The following ANOS1 variants were observed in gnomAD, a reference collection of about 807,000 sequenced individuals.
ANOS1 encodes the protein anosmin-1.
A neutral mutation model predicts 59.0 loss-of-function variants in ANOS1; 6 were observed. That is an observed-to-expected ratio of 0.10 (90% CI 0.06 to 0.20). The LOEUF (loss-of-function observed/expected upper bound fraction) is 0.20. ANOS1 is among the 10% of genes least tolerant of loss of function. The probability of loss-of-function intolerance (pLI) is 1.00; values close to 1 mark genes in which losing one functional copy is unlikely to be tolerated. For synonymous variants in ANOS1, 217 were observed against 223.4 expected (o/e 0.97, Z 0.25); for missense variants, 433 against 542.3 (o/e 0.80, Z 2.00).
At chrX:8,565,921 A>G in intron 8 of ANOS1, 1 of 641,276 alleles carries the variant, frequency 1.6e-6, no homozygotes, top group Non-Finnish European at 1.9e-6. Flanking sequence ...GAGGGCAGGG[A>G]GTCATTAGCA....
intron 2 of ANOS1, among the ~76,000 whole-genome samples, chrX:8,698,088 C>T (rs1288933407): frequency 8.9e-6 from 1 of 112,191 alleles, no homozygotes; most frequent in Non-Finnish European, 1.9e-5. Context: ...AAGTTAAAGA[C>T]AACCCTTCAA....
intron 3 of ANOS1, among the ~76,000 whole-genome samples, chrX:8,600,957 G>A (rs757646866): frequency 1.3e-4 from 15 of 111,559 alleles, no homozygotes; most frequent in Non-Finnish European, 2.4e-4. Flanking sequence ...TTGGGAGGCC[G>A]AGGCAGGTGG....
intron 5 of ANOS1, 36 bp from the exon 6 acceptor site, chrX:8,585,432 C>A (rs1026605437): frequency 8.3e-7 from 1 of 1,205,668 alleles, no homozygotes; most frequent in Non-Finnish European, 1.1e-6. Context: ...GGGAACATGT[C>A]ACTTTTTATT....
chrX:8,590,836 G>A (rs73472367), intron 4 of ANOS1, among the ~76,000 whole-genome samples: 1 of 111,790 alleles, frequency 8.9e-6, no homozygotes, highest in African/African-American at 3.2e-5. Context: ...AGTCACCTAG[G>A]GAAGGGTGAA....
At position 8,547,332 on chromosome X, in the gene ANOS1, G is replaced by A. The variant is rs947876997; in HGVS notation, c.1354+6620C>T. ...AATCTCACCAATACTTGACATTCCC[G>A]ATCTTTCTCCCAGCTGCACCTCTTC... On this transcript the variant is annotated intron_variant, in intron 9 of 13. Coordinates refer to ENST00000262648, the MANE Select transcript of ANOS1 (RefSeq NM_000216.4). Among the ~76,000 whole-genome samples, 6 of 111,398 alleles carry A rather than the reference G, an allele frequency of 5.4e-5. No individual in the cohort carries two copies. The Admixed American group carries it at 5.7e-4, about 11-fold the overall frequency.
rs757850765 is a variant in ANOS1 at position 8,686,105 on chromosome X, T to C, written c.255+13593A>G. 3.6e-5 allele frequency among the ~76,000 whole-genome samples: 4 copies of C among 112,366 alleles called. No homozygotes were observed. The East Asian group carries it at 1.1e-3, about 31-fold the overall frequency. The stretch of plus-strand genomic sequence containing the variant: ...TTACCTAATTTACAAGAGGCTCCCA[T>C]TGCTCTTTTCCAGTAAATCTTTTCC... On this transcript the variant is annotated intron_variant, in intron 2 of 13. Transcript: ENST00000262648.
chrX:8,652,679 A>G (rs1434170805), intron 2 of ANOS1, among the ~76,000 whole-genome samples: 1 of 111,137 alleles, frequency 9.0e-6, no homozygotes, highest in Non-Finnish European at 1.9e-5. Flanking sequence ...GGCAAGGTTG[A>G]GGAGTTTCAT....
intron 2 of ANOS1, among the ~76,000 whole-genome samples, chrX:8,661,541 C>A (rs1932038285): frequency 8.9e-6 from 1 of 112,321 alleles, no homozygotes; most frequent in Admixed American, 9.4e-5. Context: ...GGGGTTAGGA[C>A]TTCAACATCT....
rs200018635 is a variant in ANOS1 at position 8,685,593 on chromosome X, A to AAAGGAAGG, written c.255+14104_255+14105insCCTTCCTT. 1.7e-3 allele frequency among the ~76,000 whole-genome samples: 125 copies of AAAGGAAGG among 74,816 alleles called. 1 individual carries two copies. Among genetic ancestry groups the AAAGGAAGG allele is most frequent in the East Asian group, 3.3e-3 (7 of 2,104 alleles). 65.0% of individuals were successfully genotyped at this position (74,816 alleles called of 115,157 possible). ...AGGAAGGAAGGAAAGAAAGAGAAAG[A>AAAGGAAGG]AAGGAAGAAAGAAAGAAAGAAAGAA... On this transcript the variant is annotated intron_variant, in intron 2 of 13. Transcript: ENST00000262648.
chrX:8,693,396 G>A (rs994973149), intron 2 of ANOS1, among the ~76,000 whole-genome samples: 1 of 111,489 alleles, frequency 9.0e-6, no homozygotes, highest in Non-Finnish European at 1.9e-5. Flanking sequence ...GTCAGTCCTA[G>A]GATCCATGTG....
intron 3 of ANOS1, among the ~76,000 whole-genome samples, chrX:8,608,084 C>T (rs1610048): frequency 0.38 from 42,204 of 110,452 alleles, 5,803 homozygotes; most frequent in South Asian, 0.43. Context: ...AATACACAAG[C>T]AAGATAACTG....
intron 9 of ANOS1, among the ~76,000 whole-genome samples, chrX:8,545,166 T>C (rs1601948206): frequency 9.8e-6 from 1 of 101,899 alleles, no homozygotes. Context: ...GGCAGGAGGA[T>C]TGCTTGAGGC....
intron 3 of ANOS1, among the ~76,000 whole-genome samples, chrX:8,601,207 A>G: frequency 9.1e-6 from 1 of 109,654 alleles, no homozygotes; most frequent in South Asian, 3.9e-4. Context: ...AAAAAAAAAA[A>G]AAAAAAAGAA....
intron 2 of ANOS1, among the ~76,000 whole-genome samples, chrX:8,662,408 C>T (rs960686368): frequency 6.3e-5 from 7 of 111,657 alleles, no homozygotes; most frequent in Non-Finnish European, 1.1e-4. Flanking sequence ...TTCATCTTCG[C>T]GGGCCATGCA....
intron 2 of ANOS1, among the ~76,000 whole-genome samples, chrX:8,670,715 C>T (rs1437995931): frequency 8.9e-6 from 1 of 111,747 alleles, no homozygotes; most frequent in Non-Finnish European, 1.9e-5. Flanking sequence ...CAGATGTCCA[C>T]CTGCCTGTTT....
At chrX:8,647,546 T>C (rs1931781049) in intron 2 of ANOS1, among the ~76,000 whole-genome samples, 1 of 112,072 alleles carries the variant, frequency 8.9e-6, no homozygotes, top group Admixed American at 9.5e-5. Context: ...CAAGTCGCAC[T>C]AACACTTGAA....
intron 8 of ANOS1, chrX:8,566,333 G>GTA: frequency 5.3e-6 from 3 of 571,260 alleles, no homozygotes; most frequent in Non-Finnish European, 6.3e-6. Flanking sequence ...GTATGTGTGT[G>GTA]TATATATGTG....
intron 1 of ANOS1, among the ~76,000 whole-genome samples, chrX:8,700,734 C>T (rs1932749963): frequency 8.9e-6 from 1 of 112,077 alleles, no homozygotes; most frequent in African/African-American, 3.2e-5. Context: ...TGGGGCCGGG[C>T]GTGGTGGCTC....
At chrX:8,638,088 C>T (rs1342145993) in intron 2 of ANOS1, among the ~76,000 whole-genome samples, 2 of 111,698 alleles carry the variant, frequency 1.8e-5, no homozygotes, top group Non-Finnish European at 3.8e-5. Context: ...TTTAGAGTCA[C>T]TTCTGGAGGC....
Sources: allele counts gnomAD v4.1 joint callset (sites outside exome capture counted in the v4.1 genomes callset), GRCh38; gene constraint gnomAD v4.1.1; transcripts MANE v1.5; gene names NCBI Gene and HGNC (gene_info 2026-07-23, HGNC 2026-07-21).